The following RFX7 variants were observed in gnomAD, a reference collection of about 807,000 sequenced individuals.
The protein encoded by RFX7 is regulatory factor X7.
In RFX7, 26 loss-of-function variants were observed where a neutral mutation model predicts 111.8. That is an observed-to-expected ratio of 0.23 (90% CI 0.17 to 0.32). The LOEUF (loss-of-function observed/expected upper bound fraction) is 0.32, where lower values mean the gene tolerates loss of function less well. Ranked by LOEUF, RFX7 falls within the 10% of genes least tolerant of loss-of-function variation. RFX7 has a pLI of 1.00. For synonymous variants in RFX7, 624 were observed against 624.4 expected (o/e 1.00, Z 0.01); for missense variants, 1,573 against 1,772.9 (o/e 0.89, Z 2.02).
In RFX7 at chr15:56,145,713, G is replaced by A. The variant is rs545964776; in HGVS notation, c.196-1230C>T. 3.9e-5 allele frequency among the ~76,000 whole-genome samples: 6 copies of A among 152,032 alleles called. No homozygotes were observed. The East Asian group carries it at 5.8e-4, about 15-fold the overall frequency. On this transcript the variant is annotated intron_variant, in intron 3 of 9. Transcript: ENST00000559447. ...AGTGTGTTTAACTCTTTTTCTCTTG[G>A]TGCATTCCACATTAATCCTTTATTT...
chr15:56,221,341 T>C (rs2043424836), intron 2 of RFX7, among the ~76,000 whole-genome samples: 1 of 152,210 alleles, frequency 6.6e-6, no homozygotes, highest in Non-Finnish European at 1.5e-5. Flanking sequence ...TTGTGTCACC[T>C]ATGATTTCGT....
chr15:56,197,080 G>A (rs1327846871), intron 2 of RFX7, among the ~76,000 whole-genome samples: 3 of 152,000 alleles, frequency 2.0e-5, no homozygotes, highest in Non-Finnish European at 4.4e-5. Flanking sequence ...TCTGCCAATC[G>A]GATGGGTATG....
intron 5 of RFX7, among the ~76,000 whole-genome samples, chr15:56,124,523 A>G (rs543718751): frequency 7.9e-5 from 12 of 152,080 alleles, no homozygotes; most frequent in Admixed American, 2.6e-4. Context: ...CCTCTCCAGC[A>G]TTTATTTGTC....
chr15:56,096,428 G>T lies in RFX7; in HGVS notation c.1300C>A (p.Pro434Thr). 6.2e-7 allele frequency: 1 copy of T among 1,613,762 alleles called. No individual in the cohort carries two copies. The highest frequency in any genetic ancestry group is 8.5e-7 in the Non-Finnish European group (1 of 1,179,796). ...SARHRYPQIL[P>T]KPANTSALTI... The stretch of plus-strand genomic sequence containing the variant: ...AGTGCACTGGTGTTCGCTGGTTTGG[G>T]TAAGATCTGAGGGTAACGGTGCCGG... The change falls in exon 10 of 10, where the codon CCC (proline) becomes ACC (threonine). Residue 434 changes from proline to threonine, a missense_variant. Coordinates refer to ENST00000559447, the MANE Select transcript of RFX7 (RefSeq NM_022841.7).
At chr15:56,134,115 CCTT>C (rs1179877539) in intron 5 of RFX7, among the ~76,000 whole-genome samples, 2 of 152,148 alleles carry the variant, frequency 1.3e-5, no homozygotes, top group African/African-American at 4.8e-5. Context: ...AACACGCTTA[CCTT>C]CTTAACCTAT....
intron 2 of RFX7, among the ~76,000 whole-genome samples, chr15:56,219,078 T>C (rs1304889048): frequency 6.6e-6 from 1 of 152,228 alleles, no homozygotes; most frequent in African/African-American, 2.4e-5. Flanking sequence ...TGTAATAATT[T>C]CTTAATTAAT....
At chr15:56,172,003 G>A (rs1271837196) in intron 3 of RFX7, among the ~76,000 whole-genome samples, 1 of 151,956 alleles carries the variant, frequency 6.6e-6, no homozygotes, top group Admixed American at 6.6e-5. Flanking sequence ...GAGAAGGAAC[G>A]GCCTAAAATG....
chr15:56,187,912 CA>C, intron 2 of RFX7, among the ~76,000 whole-genome samples: 1 of 152,116 alleles, frequency 6.6e-6, no homozygotes, highest in East Asian at 1.9e-4. Context: ...ATTACACAAG[CA>C]AAATACACTA....
rs1165873129 is a variant in RFX7, at chr15:56,094,363, G to A, written c.3365C>T (p.Thr1122Ile). ...TTGATGCTGCACAGGAGAGACAGGA[G>A]TCAAACGACCAAAATGAGTGTCATG... ...RHHDTHFGRL[T>I]PVSPVQHQGA... Residue 1122 changes from threonine to isoleucine, a missense_variant, in exon 10 of 10, where the codon ACT (threonine) becomes ATT (isoleucine). Thr to Ile is a moderately conservative substitution (Grantham distance 89). Around this residue, in one of 7 missense-constraint regions of RFX7, gnomAD observed 411 missense variants for 478.1 expected, o/e 0.86. Transcript: ENST00000559447. The A allele has an allele frequency of 1.2e-6, 2 of 1,613,986 alleles. No individual in the cohort carries two copies. Among genetic ancestry groups the A allele is most frequent in the African/African-American group, 1.3e-5 (1 of 75,044 alleles).
At chr15:56,197,396 T>C (rs911926612) in intron 2 of RFX7, among the ~76,000 whole-genome samples, 1 of 152,186 alleles carries the variant, frequency 6.6e-6, no homozygotes, top group East Asian at 1.9e-4. Context: ...AAAAGTGCTT[T>C]TGACATGTTT....
Position 56,094,440 on chromosome 15 carries a change from T to A in RFX7, c.3288A>T (p.Lys1096Asn). Residue 1096 changes from lysine (K) to asparagine (N), a missense_variant, in exon 10 of 10, where the codon AAA becomes AAT. Lys to Asn is a moderately conservative substitution (Grantham distance 94). Transcript: ENST00000559447. ...YQELVEDRFR[K>N]PHAFAVPGQS... ...GTCCAGGCACAGCAAAAGCATGAGG[T>A]TTCCTGAAACGGTCTTCCACTAGTT... 6.2e-7 allele frequency: 1 copy of A among 1,613,540 alleles called. No homozygotes were observed. Among genetic ancestry groups the A allele is most frequent in the Non-Finnish European group, 8.5e-7 (1 of 1,179,798 alleles).
At chr15:56,146,337 C>G (rs1366450305) in intron 3 of RFX7, among the ~76,000 whole-genome samples, 1 of 152,052 alleles carries the variant, frequency 6.6e-6, no homozygotes, top group African/African-American at 2.4e-5. Flanking sequence ...CCTGCCTGGC[C>G]TCAAGTGATC....
intron 3 of RFX7, among the ~76,000 whole-genome samples, chr15:56,173,578 C>T (rs1236510499): frequency 6.6e-6 from 1 of 152,140 alleles, no homozygotes; most frequent in African/African-American, 2.4e-5. Context: ...GTCAGGAGTT[C>T]GAGACCAGCC....
At position 56,110,202 on chromosome 15, in the gene RFX7, G is replaced by A. The variant is rs1370252134; in HGVS notation, c.402-6532C>T. On this transcript the variant is annotated intron_variant, in intron 5 of 9. Coordinates refer to ENST00000559447, the MANE Select transcript of RFX7 (RefSeq NM_022841.7). ...CAGGAGGTGAGGGGAGCCTCTGCCT[G>A]GCCGCCCCTACTGGGAAGTGAGGAG... 1.8e-5 allele frequency among the ~76,000 whole-genome samples: 2 copies of A among 111,684 alleles called. 1 individual carries two copies. Among genetic ancestry groups the A allele is most frequent in the Non-Finnish European group, 3.9e-5 (2 of 51,664 alleles). The allele number at this position is 111,684 out of a possible 152,430, so 73.3% of individuals were successfully genotyped here.
Position 56,088,706 on chromosome 15 carries a change from A to G in RFX7, c.*4639T>C, listed in dbSNP as rs1232675487. ...ATAAATCTGTACTTCAGATTTAACA[A>G]AATAAAAAGTTTGGTCTTTTCTTAT... On this transcript the variant is annotated 3_prime_UTR_variant, in exon 10 of 10. Coordinates refer to ENST00000559447, the MANE Select transcript of RFX7 (RefSeq NM_022841.7). 6.6e-6 allele frequency: 1 copy of G among 152,192 alleles called. No individual in the cohort carries two copies. The highest frequency in any genetic ancestry group is 6.5e-5 in the Admixed American group (1 of 15,278). 9.4% of individuals were successfully genotyped at this position (152,192 alleles called of 1,614,324 possible).
intron 5 of RFX7, among the ~76,000 whole-genome samples, chr15:56,104,873 C>T (rs552393843): frequency 8.5e-5 from 13 of 152,068 alleles, no homozygotes; most frequent in South Asian, 2.1e-4. Context: ...GGAACTAATG[C>T]GTACTGAAAG....
intron 3 of RFX7, among the ~76,000 whole-genome samples, chr15:56,173,746 G>T (rs1374294049): frequency 6.6e-6 from 1 of 151,804 alleles, no homozygotes; most frequent in Admixed American, 6.6e-5. Context: ...GTGAGCTGTG[G>T]TTCTGAAATG....
intron 2 of RFX7, among the ~76,000 whole-genome samples, chr15:56,212,990 T>A (rs1228553977): frequency 6.6e-6 from 1 of 152,148 alleles, no homozygotes; most frequent in African/African-American, 2.4e-5. Context: ...TATATACCTA[T>A]AAGAACAGCT....
intron 9 of RFX7, among the ~76,000 whole-genome samples, chr15:56,097,746 CAA>C (rs67718449): frequency 1.7e-4 from 8 of 47,338 alleles, no homozygotes; most frequent in South Asian, 1.4e-3. Context: ...GACTCTGTCT[CAA>C]AAAAAAAAAA....
Sources: allele counts gnomAD v4.1 joint callset (sites outside exome capture counted in the v4.1 genomes callset), GRCh38; gene constraint gnomAD v4.1.1; regional missense constraint gnomAD v4.1.1; transcripts MANE v1.5; gene names NCBI Gene and HGNC (gene_info 2026-07-23, HGNC 2026-07-21).